GPHN: variants seen among roughly 807,000 people sequenced by gnomAD.
GPHN encodes gephyrin.
In GPHN, 17 loss-of-function variants were observed where a neutral mutation model predicts 95.5. The observed-to-expected ratio is 0.18, with a 90% CI of 0.12 to 0.27. The LOEUF is 0.27. GPHN is among the 10% of genes least tolerant of loss of function. The pLI is 1.00. For synonymous variants in GPHN, 320 were observed against 322.5 expected (o/e 0.99, Z 0.08); for missense variants, 660 against 978.1 (o/e 0.67, Z 4.34).
chr14:67,672,784 C>CT, the GPHN span, among the ~76,000 whole-genome samples: 1 of 152,172 alleles, frequency 6.6e-6, no homozygotes, highest in African/African-American at 2.4e-5. Context: ...TCCCACAATG[C>CT]TTCTGCACAG....
At chr14:67,312,054 A>C in the GPHN span, 2 of 152,642 alleles carry the variant, frequency 1.3e-5, no homozygotes, top group South Asian at 4.1e-4. Flanking sequence ...TGGAAATTGC[A>C]TACCTTATTG....
At chr14:67,527,656 G>A in the GPHN span, among the ~76,000 whole-genome samples, 48 of 152,214 alleles carry the variant, frequency 3.2e-4, no homozygotes, top group Admixed American at 1.3e-4. Context: ...CCAACAATGT[G>A]TTTTGTACCG....
At chr14:67,305,319 T>C in the GPHN span, among the ~76,000 whole-genome samples, 1 of 152,148 alleles carries the variant, frequency 6.6e-6, no homozygotes, top group African/African-American at 2.4e-5. Flanking sequence ...CTGGCTCTAT[T>C]ATCCAGGCTG....
At chr14:67,402,303 A>C in the GPHN span, among the ~76,000 whole-genome samples, 1 of 152,202 alleles carries the variant, frequency 6.6e-6, no homozygotes, top group Non-Finnish European at 1.5e-5. Context: ...TTGTGGGTAC[A>C]TAATAAGTAT....
At chr14:67,659,938 G>A in the GPHN span, 1 of 1,609,152 alleles carries the variant, frequency 6.2e-7, no homozygotes, top group Non-Finnish European at 8.5e-7. Flanking sequence ...AAGGCAGAAA[G>A]TAGTGAGCAG....
intron 1 of GPHN, among the ~76,000 whole-genome samples, chr14:66,543,023 G>A (rs571839768): frequency 6.6e-6 from 1 of 152,310 alleles, no homozygotes; most frequent in Admixed American, 6.5e-5. Context: ...TACATGGCCA[G>A]AGCTGGAGGA....
chr14:66,928,209 C>T (rs2066588614), intron 8 of GPHN, among the ~76,000 whole-genome samples: 1 of 152,100 alleles, frequency 6.6e-6, no homozygotes, highest in South Asian at 2.1e-4. Flanking sequence ...AATCTCATTA[C>T]TTATTGCTGT....
At chr14:67,099,314 G>A (rs770674557) in intron 12 of GPHN, among the ~76,000 whole-genome samples, 1 of 151,912 alleles carries the variant, frequency 6.6e-6, no homozygotes, top group Non-Finnish European at 1.5e-5. Context: ...TAGAGACGAG[G>A]TTTCTCCATG....
chr14:67,243,926 C>T, the GPHN span, among the ~76,000 whole-genome samples: 1 of 152,120 alleles, frequency 6.6e-6, no homozygotes, highest in East Asian at 1.9e-4. Context: ...TTAAGTAATC[C>T]GTAGTCTGAC....
chr14:66,631,355 C>T (rs570975916), intron 1 of GPHN, among the ~76,000 whole-genome samples: 2 of 152,244 alleles, frequency 1.3e-5, no homozygotes, highest in African/African-American at 2.4e-5. Context: ...CCGGCACAGT[C>T]GTCCTTTTTA....
intron 16 of GPHN, among the ~76,000 whole-genome samples, chr14:67,115,679 G>A (rs1028743473): frequency 6.6e-6 from 1 of 151,864 alleles, no homozygotes; most frequent in Non-Finnish European, 1.5e-5. Flanking sequence ...AGGTTGCAGT[G>A]AGCTGAGATC....
intron 1 of GPHN, among the ~76,000 whole-genome samples, chr14:66,591,137 G>A (rs1408617321): frequency 6.6e-6 from 1 of 152,040 alleles, no homozygotes; most frequent in Non-Finnish European, 1.5e-5. Context: ...AATAAACTTG[G>A]TATTGATGAA....
chr14:67,364,556 A>C, the GPHN span: 3 of 485,570 alleles, frequency 6.2e-6, no homozygotes, highest in East Asian at 1.1e-4. Flanking sequence ...CAAGCATTAC[A>C]AAAATGTTGA....
At chr14:67,290,817 G>C in the GPHN span, among the ~76,000 whole-genome samples, 1 of 152,228 alleles carries the variant, frequency 6.6e-6, no homozygotes, top group Non-Finnish European at 1.5e-5. Context: ...TTACAGACCT[G>C]AGCCACTGCG....
intron 5 of GPHN, among the ~76,000 whole-genome samples, chr14:66,915,665 A>T (rs2065862872): frequency 6.6e-6 from 1 of 152,184 alleles, no homozygotes; most frequent in African/African-American, 2.4e-5. Context: ...GGCATTTTTA[A>T]TGCACTATCT....
At chr14:67,049,266 C>T (rs763666401) in intron 10 of GPHN, among the ~76,000 whole-genome samples, 1 of 151,612 alleles carries the variant, frequency 6.6e-6, no homozygotes, top group African/African-American at 2.4e-5. Context: ...CTCACCGTGT[C>T]GCCCAGGCTG....
the GPHN span, among the ~76,000 whole-genome samples, chr14:67,698,267 A>G: frequency 1.3e-5 from 2 of 152,236 alleles, no homozygotes; most frequent in Admixed American, 6.5e-5. Flanking sequence ...GACACATTGG[A>G]GCCATAATGG....
chr14:67,446,530 A>AG, the GPHN span, among the ~76,000 whole-genome samples: 1 of 152,184 alleles, frequency 6.6e-6, no homozygotes, highest in Non-Finnish European at 1.5e-5. Flanking sequence ...GGTAGTTAGA[A>AG]GGGTGTCCTG....
chr14:67,137,048 T>G (rs2080119128), intron 17 of GPHN, among the ~76,000 whole-genome samples: 1 of 152,052 alleles, frequency 6.6e-6, no homozygotes, highest in Non-Finnish European at 1.5e-5. Flanking sequence ...TCCCAGCTAC[T>G]TGGGTGGCTA....
Sources: gnomAD v4.1 joint callset for allele counts (sites outside exome capture counted in the v4.1 genomes callset) on GRCh38, gnomAD v4.1.1 for gene constraint, MANE v1.5 for transcripts, NCBI Gene and HGNC (gene_info 2026-07-23, HGNC 2026-07-21) for gene names.